The following CLPX variants were observed in gnomAD, a reference collection of about 807,000 sequenced individuals.
CLPX encodes the protein caseinolytic mitochondrial matrix peptidase chaperone subunit X, also known as ATP-dependent clpX-like chaperone, mitochondrial.
In CLPX, 34 loss-of-function variants were observed where a neutral mutation model predicts 76.4. That is an observed-to-expected ratio of 0.45 (90% CI 0.34 to 0.59). The LOEUF is 0.59. CLPX is among the 20% of genes least tolerant of loss of function. The pLI is 0.01. For missense variants in CLPX, 613 were observed against 757.0 expected (o/e 0.81, Z 2.23); for synonymous variants, 248 against 270.9 (o/e 0.92, Z 0.83).
At chr15:65,167,364 C>T (rs2087930280) in intron 3 of CLPX, among the ~76,000 whole-genome samples, 1 of 152,020 alleles carries the variant, frequency 6.6e-6, no homozygotes, top group African/African-American at 2.4e-5. Context: ...GCCACCGCAC[C>T]CGGCCCACTA....
chr15:65,161,916 T>C (rs1160580979), intron 6 of CLPX, among the ~76,000 whole-genome samples: 3 of 152,234 alleles, frequency 2.0e-5, no homozygotes, highest in African/African-American at 4.8e-5. Flanking sequence ...TCATGGCTCA[T>C]CCTATATATA....
At chr15:65,172,666 T>C (rs1384866428) in intron 3 of CLPX, among the ~76,000 whole-genome samples, 3 of 152,088 alleles carry the variant, frequency 2.0e-5, no homozygotes, top group African/African-American at 7.2e-5. Flanking sequence ...AGGATTTAAA[T>C]TGACACTTCT....
intron 11 of CLPX, among the ~76,000 whole-genome samples, chr15:65,154,449 A>G (rs2087762120): frequency 6.6e-6 from 1 of 152,226 alleles, no homozygotes; most frequent in African/African-American, 2.4e-5. Context: ...TAATATAAAA[A>G]TATACACAGT....
chr15:65,185,337 C>T lies in CLPX; in HGVS notation c.-184G>A, dbSNP rs2088246160. The T allele has an allele frequency of 3.5e-6, 2 of 565,214 alleles. No homozygotes were observed. Among genetic ancestry groups the T allele is most frequent in the South Asian group, 4.2e-5 (2 of 47,222 alleles). 35.0% of individuals were successfully genotyped at this position (565,214 alleles called of 1,614,324 possible). ...CTCTGCCCCACAGCCGTCTATTCAC[C>T]AGAGTAGACACCCAACCCCCCCCTC... On this transcript the variant is annotated 5_prime_UTR_variant, in exon 1 of 14. Coordinates refer to ENST00000300107, the MANE Select transcript of CLPX (RefSeq NM_006660.5).
At chr15:65,159,428 C>T (rs546113708) in intron 6 of CLPX, among the ~76,000 whole-genome samples, 37 of 152,180 alleles carry the variant, frequency 2.4e-4, no homozygotes, top group African/African-American at 5.1e-4. Flanking sequence ...CTGGCCAACA[C>T]GGTGAAACCC....
chr15:65,167,860 C>A (rs2087938624), intron 3 of CLPX, among the ~76,000 whole-genome samples: 1 of 151,566 alleles, frequency 6.6e-6, no homozygotes, highest in Non-Finnish European at 1.5e-5. Flanking sequence ...TGCACTCCAG[C>A]CTGGGAGATA....
intron 6 of CLPX, among the ~76,000 whole-genome samples, chr15:65,159,968 A>C (rs2087833081): frequency 6.6e-6 from 1 of 151,982 alleles, no homozygotes; most frequent in African/African-American, 2.4e-5. Context: ...ACACGCCACC[A>C]CACCTGGCTA....
chr15:65,185,204 A>G lies in CLPX; in HGVS notation c.-51T>C, dbSNP rs1156856978. The G allele has an allele frequency of 6.2e-6, 9 of 1,463,254 alleles. No individual in the cohort carries two copies. Among genetic ancestry groups the G allele is most frequent in the Middle Eastern group, 2.1e-4 (1 of 4,824 alleles). 90.6% of individuals were successfully genotyped at this position (1,463,254 alleles called of 1,614,324 possible). On this transcript the variant is annotated 5_prime_UTR_variant, in exon 1 of 14. Coordinates refer to ENST00000300107, the MANE Select transcript of CLPX (RefSeq NM_006660.5). The stretch of plus-strand genomic sequence containing the variant: ...CGCCCCCTGAGGACCTCCGGGTCAC[A>G]GCGGCGTGAATCCTGCCCGCAAGGC...
At chr15:65,170,682 T>C (rs2087989448) in intron 3 of CLPX, among the ~76,000 whole-genome samples, 1 of 151,882 alleles carries the variant, frequency 6.6e-6, no homozygotes, top group Non-Finnish European at 1.5e-5. Flanking sequence ...GGAGAATCCC[T>C]TGATGGTTAC....
intron 6 of CLPX, among the ~76,000 whole-genome samples, chr15:65,160,592 T>TTCTCTCTCTCTCTC (rs1226717522): frequency 3.4e-5 from 4 of 118,450 alleles, no homozygotes; most frequent in African/African-American, 1.4e-4. Context: ...CATTCACTCA[T>TTCTCTCTCTCTCTC]TCTCTCTCTC....
rs558219679 is a variant in CLPX, at chr15:65,182,423, TAAC to T, written c.80-2222_80-2220del. ...AAATTTTTAAAATATGCCTCTTTAT[TAAC>T]AAGCAAAATTAAATAAGATCTAACA... On this transcript the variant is annotated intron_variant, in intron 1 of 13. Transcript: ENST00000300107. 5.6e-3 allele frequency among the ~76,000 whole-genome samples: 850 copies of T among 152,348 alleles called. 5 individuals are homozygous for T. The highest frequency in any genetic ancestry group is 0.014 in the Middle Eastern group (4 of 294).
intron 11 of CLPX, 192 bp downstream of exon 11, chr15:65,154,590 G>GA (rs1029042083): frequency 5.5e-6 from 3 of 547,702 alleles, no homozygotes; most frequent in African/African-American, 3.8e-5. Context: ...TTTTAATTCA[G>GA]AAAAAATAAA....
chr15:65,165,282 G>A (rs560654010), intron 4 of CLPX, among the ~76,000 whole-genome samples: 2 of 151,940 alleles, frequency 1.3e-5, no homozygotes, highest in South Asian at 4.2e-4. Context: ...TGAACCATGA[G>A]TGTGCCACTG....
At chr15:65,170,266 T>C (rs1182187467) in intron 3 of CLPX, among the ~76,000 whole-genome samples, 1 of 151,902 alleles carries the variant, frequency 6.6e-6, no homozygotes, top group Non-Finnish European at 1.5e-5. Context: ...ACAAAGCTAG[T>C]ATGTCTAAGT....
In CLPX at chr15:65,152,484, C is replaced by T. The variant is rs2087734507; in HGVS notation, c.1757G>A (p.Cys586Tyr). Residue 586 changes from cysteine (C) to tyrosine (Y), a missense_variant, in exon 13 of 14, where the codon TGT (cysteine) becomes TAT (tyrosine). Cys to Tyr is a radical substitution (Grantham distance 194, BLOSUM62 -2). Coordinates refer to ENST00000300107, the MANE Select transcript of CLPX (RefSeq NM_006660.5). ...MFEVPNSDIVCVEVDKEVVEG... is the reference protein window; with the variant it reads ...MFEVPNSDIVYVEVDKEVVEG... ...TACTACTTCTTTGTCAACCTCCACA[C>T]ATACGATATCAGAATTAGGGACTTC... 4.5e-6 allele frequency: 7 copies of T among 1,562,222 alleles called. No homozygotes were observed. The highest frequency in any genetic ancestry group is 6.1e-6 in the Non-Finnish European group (7 of 1,155,438).
intron 1 of CLPX, 130 bp downstream of exon 1, chr15:65,184,945 G>A (rs1277104637): frequency 1.2e-5 from 9 of 762,520 alleles, no homozygotes; most frequent in Admixed American, 6.8e-5. Context: ...GGTGCCGGGC[G>A]AAGCGCCGCG....
At chr15:65,162,107 T>C (rs1000876773) in intron 6 of CLPX, among the ~76,000 whole-genome samples, 2 of 152,138 alleles carry the variant, frequency 1.3e-5, no homozygotes, top group East Asian at 3.8e-4. Flanking sequence ...TCCAAAGGAA[T>C]AGGTGGAACA....
chr15:65,175,562 C>A (rs560045116), intron 3 of CLPX, among the ~76,000 whole-genome samples: 1 of 152,110 alleles, frequency 6.6e-6, no homozygotes, highest in African/African-American at 2.4e-5. Flanking sequence ...CCAAAATGCA[C>A]GGGACCAGAA....
intron 9 of CLPX, 148 bp from the exon 10 acceptor site, chr15:65,156,004 G>A: frequency 3.2e-6 from 2 of 618,436 alleles, no homozygotes; most frequent in South Asian, 2.3e-5. Context: ...TAACTAACAA[G>A]AAAATCTAAT....
Sources: allele counts gnomAD v4.1 joint callset (sites outside exome capture counted in the v4.1 genomes callset), GRCh38; gene constraint gnomAD v4.1.1; transcripts MANE v1.5; gene names NCBI Gene and HGNC (gene_info 2026-07-23, HGNC 2026-07-21).